IFIH1: variants seen among roughly 807,000 people sequenced by gnomAD.
IFIH1 encodes the protein interferon-induced helicase C domain-containing protein 1.
Under a neutral mutation model 107.4 loss-of-function variants are expected in IFIH1, and 125 were observed. The observed-to-expected ratio is 1.16, with a 90% CI of 1.01 to 1.35. The LOEUF (loss-of-function observed/expected upper bound fraction) is 1.35. Among genes scored for constraint, IFIH1 ranks in the 40% most tolerant of loss-of-function variants. The pLI, the probability that IFIH1 is intolerant of heterozygous loss-of-function variation, is 0.00. For missense variants in IFIH1, 1,333 were observed against 1,213.7 expected (o/e 1.10, Z -1.46); for synonymous variants, 458 against 413.2 (o/e 1.11, Z -1.31).
intron 3 of IFIH1, among the ~76,000 whole-genome samples, chr2:162,302,492 C>T (rs1475033451): frequency 6.6e-6 from 1 of 152,042 alleles, no homozygotes; most frequent in Non-Finnish European, 1.5e-5. Flanking sequence ...AAAGACTAAA[C>T]ATTATCAATA....
rs757577285 is a variant in IFIH1 at position 162,288,292 on chromosome 2, AT to A, written c.937del (p.Met313TrpfsTer35). The part of the protein sequence containing the change: ...EPELQLRPYQ[M>X]EVAQPALEGK... ...TTCCAAGGCTGGCTGGGCAACTTCC[AT>A]TTGGTAAGGCCTGAGCTGGAGTTCT... On this transcript the variant is annotated frameshift_variant, in exon 5 of 16. Transcript: ENST00000649979. LOFTEE classifies it high-confidence loss of function. 6 of 1,612,816 alleles carry A rather than the reference AT, an allele frequency of 3.7e-6. No individual in the cohort carries two copies. Among genetic ancestry groups the A allele is most frequent in the Non-Finnish European group, 5.1e-6 (6 of 1,179,270 alleles).
At chr2:162,285,771 T>C (rs1319535082) in intron 5 of IFIH1, among the ~76,000 whole-genome samples, 2 of 151,854 alleles carry the variant, frequency 1.3e-5, no homozygotes, top group African/African-American at 4.8e-5. Context: ...GAAGGGAATA[T>C]TATAGAAAGG....
At chr2:162,307,227 A>T (rs2105227271) in intron 2 of IFIH1, 1 of 158,348 alleles carries the variant, frequency 6.3e-6, no homozygotes, top group African/African-American at 2.4e-5. Flanking sequence ...AGCTAAAAAA[A>T]CAATATAAGC....
rs554794399 is a variant in IFIH1 at position 162,318,054 on chromosome 2, C to T, written c.254G>A (p.Arg85Lys). The T allele has an allele frequency of 1.9e-6, 3 of 1,614,178 alleles. No individual in the cohort carries two copies. In the South Asian group the frequency reaches 3.3e-5, roughly 18 times the overall value. ...WTREFVEALR[R>K]TGSPLAARYM... is the part of the protein sequence containing the mutation. ...GCGGGCGGCCAGAGGGCTGCCGGTT[C>T]TCCGGAGGGCCTCCACGAATTCCCG... Residue 85 changes from arginine (R) to lysine (K), a missense_variant, in exon 1 of 16, where the codon AGA (arginine) becomes AAA (lysine). Coordinates refer to ENST00000649979, the MANE Select transcript of IFIH1 (RefSeq NM_022168.4).
chr2:162,281,649 G>A, intron 6 of IFIH1, 104 bp from the exon 7 acceptor site: 1 of 754,556 alleles, frequency 1.3e-6, no homozygotes, highest in Non-Finnish European at 2.2e-6. Context: ...CCTTCTCTTG[G>A]GCACGACACA....
Position 162,268,112 on chromosome 2 carries a change from G to T in IFIH1, c.2782C>A (p.His928Asn). Residue 928 changes from histidine (H) to asparagine (N), a missense_variant, in exon 14 of 16, where the codon CAC becomes AAC. Physicochemically the swap from His to Asn is moderately conservative, Grantham distance 68 (BLOSUM62 1). Coordinates refer to ENST00000649979, the MANE Select transcript of IFIH1 (RefSeq NM_022168.4). ...EDIHVIEKMH[H>N]VNMTPEFKEL... is the part of the protein sequence containing the mutation. ...TTGAATTCTGGGGTCATATTGACGT[G>T]ATGCATTTTCTCAATTACATGGATA... 1 of 1,607,040 alleles carries T rather than the reference G, an allele frequency of 6.2e-7. No homozygotes were observed. Among genetic ancestry groups the T allele is most frequent in the Non-Finnish European group, 8.5e-7 (1 of 1,177,492 alleles).
chr2:162,272,588 T>TTA (rs1691065209), intron 12 of IFIH1, among the ~76,000 whole-genome samples: 2 of 152,186 alleles, frequency 1.3e-5, no homozygotes, highest in Admixed American at 6.5e-5. Context: ...ATAATATGCT[T>TTA]TAATACAGAA....
At chr2:162,289,961 C>T (rs1682967488) in intron 4 of IFIH1, among the ~76,000 whole-genome samples, 1 of 151,798 alleles carries the variant, frequency 6.6e-6, no homozygotes, top group African/African-American at 2.4e-5. Context: ...AATGTTAGCC[C>T]TCTGTAGCTT....
intron 3 of IFIH1, among the ~76,000 whole-genome samples, chr2:162,305,611 A>G (rs1347498682): frequency 6.6e-6 from 1 of 152,108 alleles, no homozygotes; most frequent in Non-Finnish European, 1.5e-5. Context: ...TTAAAAAAAT[A>G]AAAATAATAA....
chr2:162,288,045 G>T (rs1289755058), intron 5 of IFIH1, 90 bp downstream of exon 5: 1 of 791,814 alleles, frequency 1.3e-6, no homozygotes, highest in Non-Finnish European at 2.1e-6. Flanking sequence ...AACTAAACAT[G>T]TGTGAGTCAA....
chr2:162,272,427 T>C (rs554205163), intron 12 of IFIH1, 40 bp from the exon 13 acceptor site: 78 of 1,571,684 alleles, frequency 5.0e-5, no homozygotes, highest in Admixed American at 3.7e-4. Context: ...AAGGGTACGT[T>C]GTGATACAAA....
intron 1 of IFIH1, among the ~76,000 whole-genome samples, chr2:162,314,485 T>TTTCTTTCTTTCTTTC (rs1491551500): frequency 6.0e-5 from 7 of 115,796 alleles, no homozygotes; most frequent in Non-Finnish European, 3.2e-5. Context: ...TCTTTCTTTC[T>TTTCTTTCTTTCTTTC]TTTTCTTTCT....
chr2:162,277,519 T>C lies in IFIH1; in HGVS notation c.1940A>G (p.Glu647Gly). The change falls in exon 10 of 16, where the codon GAG becomes GGG. Residue 647 changes from glutamate (E) to glycine (G), a missense_variant. Glu to Gly is a moderately conservative substitution (Grantham distance 98). Coordinates refer to ENST00000649979, the MANE Select transcript of IFIH1 (RefSeq NM_022168.4). ...KFAVIEDDSD[E>G]GGDDEYCDGD... Reference sequence around the variant, plus strand: ...ATCACAATACTCATCATCACCACCCTCATCACTATCATCTTCTATGACTGC... The same window carrying C: ...ATCACAATACTCATCATCACCACCCCCATCACTATCATCTTCTATGACTGC... The C allele has an allele frequency of 6.3e-7, 1 of 1,580,656 alleles. No individual in the cohort carries two copies. The highest frequency in any genetic ancestry group is 8.7e-7 in the Non-Finnish European group (1 of 1,149,968).
intron 12 of IFIH1, 65 bp from the exon 13 acceptor site, chr2:162,272,452 T>G (rs1232134645): frequency 5.1e-6 from 7 of 1,374,166 alleles, no homozygotes; most frequent in Non-Finnish European, 7.1e-6. Context: ...CCTGGTTTTT[T>G]CTGGGAATGA....
intron 3 of IFIH1, among the ~76,000 whole-genome samples, chr2:162,297,796 T>A (rs1683119319): frequency 6.6e-6 from 1 of 152,092 alleles, no homozygotes; most frequent in Non-Finnish European, 1.5e-5. Flanking sequence ...AGAGATAGGA[T>A]TTTCTTTCAT....
At chr2:162,275,531 C>G (rs1443175748) in intron 11 of IFIH1, among the ~76,000 whole-genome samples, 1 of 152,136 alleles carries the variant, frequency 6.6e-6, no homozygotes, top group Non-Finnish European at 1.5e-5. Flanking sequence ...AGTACTTTCT[C>G]TGGCATTAAT....
chr2:162,288,024 A>C, intron 5 of IFIH1, 111 bp downstream of exon 5: 4 of 668,998 alleles, frequency 6.0e-6, no homozygotes, highest in Non-Finnish European at 1.0e-5. Flanking sequence ...TTTTGACATT[A>C]CTCTTAATTA....
At chr2:162,307,082 C>A (rs1035322759) in intron 2 of IFIH1, 2 of 416,408 alleles carry the variant, frequency 4.8e-6, no homozygotes, top group Admixed American at 3.9e-5. Flanking sequence ...AAATGGAGAG[C>A]CCGCAATAGA....
At chr2:162,307,718 C>G (rs1250103855) in intron 2 of IFIH1, among the ~76,000 whole-genome samples, 1 of 152,046 alleles carries the variant, frequency 6.6e-6, no homozygotes, top group Non-Finnish European at 1.5e-5. Context: ...GAAAATGTGC[C>G]CCACTTTGTA....
Sources: allele counts gnomAD v4.1 joint callset (sites outside exome capture counted in the v4.1 genomes callset), GRCh38; gene constraint gnomAD v4.1.1; transcripts MANE v1.5; gene names NCBI Gene and HGNC (gene_info 2026-07-23, HGNC 2026-07-21).